The following CTNNA3 variants were observed in gnomAD, a reference collection of about 807,000 sequenced individuals.
The protein encoded by CTNNA3 is catenin alpha 3, also known as catenin alpha-3.
A neutral mutation model predicts 95.7 loss-of-function variants in CTNNA3; 76 were observed. That is an observed-to-expected ratio of 0.79 (90% CI 0.66 to 0.96). The LOEUF is 0.96. Among genes scored for constraint, CTNNA3 ranks in the 40% least tolerant of loss-of-function variants. The pLI, the probability that CTNNA3 is intolerant of heterozygous loss-of-function variation, is 0.00. For missense variants in CTNNA3, 1,191 were observed against 1,089.8 expected, an observed-to-expected ratio of 1.09 and a Z score of -1.31; for synonymous variants, 431 against 374.4, an observed-to-expected ratio of 1.15 and a Z score of -1.74.
rs578023521 is a variant in CTNNA3, at chr10:67,520,315, G to C, written c.579+1527C>G. ...CATTCTCCCAGAGTTCTACCCTTCT[G>C]CCCCTGAGGCATTTACATTCTTCCA... On this transcript the variant is annotated intron_variant, in intron 5 of 17. Coordinates refer to ENST00000433211, the MANE Select transcript of CTNNA3 (RefSeq NM_013266.4). 4.6e-5 allele frequency among the ~76,000 whole-genome samples: 7 copies of C among 152,154 alleles called. No homozygotes were observed. In the East Asian group the frequency reaches 1.4e-3, roughly 29 times the overall value.
intron 5 of CTNNA3, among the ~76,000 whole-genome samples, chr10:67,472,625 T>A (rs972333007): frequency 6.6e-6 from 1 of 152,298 alleles, no homozygotes; most frequent in Non-Finnish European, 1.5e-5. Context: ...AGAAAACTCA[T>A]GCATAATCCA....
intron 11 of CTNNA3, among the ~76,000 whole-genome samples, chr10:66,381,979 A>T (rs2092843003): frequency 6.6e-6 from 1 of 152,208 alleles, no homozygotes; most frequent in South Asian, 2.1e-4. Flanking sequence ...ATGGCCAAAT[A>T]GGAGCAGCTC....
chr10:66,121,517 G>T (rs1427927322), intron 13 of CTNNA3, among the ~76,000 whole-genome samples: 3 of 151,830 alleles, frequency 2.0e-5, no homozygotes, highest in Non-Finnish European at 4.4e-5. Context: ...AAATCACATG[G>T]TATTTTAGAA....
Position 66,418,112 on chromosome 10 carries a change from TAA to T in CTNNA3, c.1532-38762_1532-38761del, listed in dbSNP as rs201086969. 2.5e-3 allele frequency among the ~76,000 whole-genome samples: 333 copies of T among 135,112 alleles called. 1 individual carries two copies. Among genetic ancestry groups the T allele is most frequent in the South Asian group, 0.016 (70 of 4,376 alleles). The allele number at this position is 135,112 out of a possible 152,430, so 88.6% of individuals were successfully genotyped here. ...AAAGTATAAACAAAATTGAAAACAT[TAA>T]AAAAAAAAAAAACTACGAGCTAGAC... is the stretch of plus-strand genomic sequence containing the variant. On this transcript the variant is annotated intron_variant, in intron 11 of 17. Transcript: ENST00000433211.
intron 13 of CTNNA3, among the ~76,000 whole-genome samples, chr10:66,275,204 G>C (rs2091367676): frequency 6.6e-6 from 1 of 151,944 alleles, no homozygotes; most frequent in Non-Finnish European, 1.5e-5. Context: ...TGCAACCTCT[G>C]CCTCCCAGGT....
chr10:65,991,403 ATATTTTT>A (rs1298981407), intron 15 of CTNNA3, among the ~76,000 whole-genome samples: 7 of 151,848 alleles, frequency 4.6e-5, no homozygotes, highest in Non-Finnish European at 4.4e-5. Context: ...GGCATGAAAT[ATATTTTT>A]TATTTTTTGT....
chr10:66,839,418 G>C (rs1048178660), intron 7 of CTNNA3, among the ~76,000 whole-genome samples: 4 of 152,098 alleles, frequency 2.6e-5, no homozygotes, highest in African/African-American at 9.7e-5. Context: ...ATGAATATGA[G>C]TACCTTACAG....
At chr10:67,758,886 T>G (rs557966565) in intron 1 of CTNNA3, among the ~76,000 whole-genome samples, 105 of 152,330 alleles carry the variant, frequency 6.9e-4, no homozygotes, top group African/African-American at 2.4e-3. Context: ...GTATCACACA[T>G]TTAAGAAAAG....
intron 13 of CTNNA3, among the ~76,000 whole-genome samples, chr10:66,176,007 G>A (rs2085688517): frequency 1.3e-5 from 2 of 152,234 alleles, no homozygotes; most frequent in South Asian, 4.1e-4. Flanking sequence ...CAGTCAGCTG[G>A]AGATTAATCA....
At chr10:67,751,266 T>A in intron 1 of CTNNA3, 1 of 1,161,902 alleles carries the variant, frequency 8.6e-7, no homozygotes, top group Admixed American at 1.7e-5. Flanking sequence ...CACAGGGAAT[T>A]CTCTTTCTTC....
rs560435590 is a variant in CTNNA3 at position 66,937,089 on chromosome 10, A to AT, written c.1048-161566dup. On this transcript the variant is annotated intron_variant, in intron 7 of 17. Coordinates refer to ENST00000433211, the MANE Select transcript of CTNNA3 (RefSeq NM_013266.4). Reference sequence around the variant, plus strand: ...TTCATTCAATAAACTATATTTGAGAATTTTTTTTTCAGTGAATCGCCATTA... The same window carrying AT: ...TTCATTCAATAAACTATATTTGAGAATTTTTTTTTTCAGTGAATCGCCATTA... Among the ~76,000 whole-genome samples the AT allele has an allele frequency of 1.1e-3, 174 of 151,560 alleles. 2 individuals are homozygous for AT. The highest frequency in any genetic ancestry group is 3.7e-3 in the African/African-American group (155 of 41,348).
At chr10:67,223,364 C>T (rs1173208523) in intron 5 of CTNNA3, among the ~76,000 whole-genome samples, 1 of 152,078 alleles carries the variant, frequency 6.6e-6, no homozygotes, top group African/African-American at 2.4e-5. Flanking sequence ...TCCATTTACC[C>T]TAAAATTTTA....
At chr10:66,465,449 C>A (rs1449094547) in intron 11 of CTNNA3, among the ~76,000 whole-genome samples, 3 of 152,146 alleles carry the variant, frequency 2.0e-5, no homozygotes, top group Non-Finnish European at 2.9e-5. Context: ...CATAAAATTT[C>A]TATATCACAT....
chr10:66,605,346 A>G (rs1844080559), intron 10 of CTNNA3, among the ~76,000 whole-genome samples: 1 of 152,176 alleles, frequency 6.6e-6, no homozygotes, highest in African/African-American at 2.4e-5. Flanking sequence ...GGTGTCCCTG[A>G]AAGAGACAGA....
chr10:66,552,745 A>T (rs918529394), intron 10 of CTNNA3, among the ~76,000 whole-genome samples: 12 of 151,988 alleles, frequency 7.9e-5, no homozygotes, highest in Non-Finnish European at 1.8e-4. Flanking sequence ...TTTTTTATAT[A>T]TCTCTGAAAA....
intron 17 of CTNNA3, among the ~76,000 whole-genome samples, chr10:65,934,488 C>T (rs2077305811): frequency 6.6e-6 from 1 of 152,150 alleles, no homozygotes; most frequent in East Asian, 1.9e-4. Context: ...TGCTCATCTA[C>T]AACTAGTTGA....
chr10:66,214,717 G>A (rs948274634), intron 13 of CTNNA3, among the ~76,000 whole-genome samples: 14 of 152,078 alleles, frequency 9.2e-5, no homozygotes, highest in Non-Finnish European at 1.8e-4. Flanking sequence ...TTCTGGTTTC[G>A]TAAAGGGACA....
intron 1 of CTNNA3, among the ~76,000 whole-genome samples, chr10:67,660,372 G>A (rs552078792): frequency 6.6e-6 from 1 of 151,844 alleles, no homozygotes; most frequent in Admixed American, 6.6e-5. Context: ...ATGGAAGCAA[G>A]CAACAAAACA....
intron 1 of CTNNA3, among the ~76,000 whole-genome samples, chr10:67,687,924 T>C (rs574140509): frequency 2.8e-4 from 42 of 152,292 alleles, no homozygotes; most frequent in South Asian, 1.4e-3. Flanking sequence ...CCAGTGGGGA[T>C]CCATACTGGG....
Sources: gnomAD v4.1 joint callset for allele counts (sites outside exome capture counted in the v4.1 genomes callset) on GRCh38, gnomAD v4.1.1 for gene constraint, MANE v1.5 for transcripts, NCBI Gene and HGNC (gene_info 2026-07-23, HGNC 2026-07-21) for gene names.